Variants in ANK1 observed in about 807,000 individuals in gnomAD.
The protein encoded by ANK1 is ankyrin-1.
In ANK1, 51 loss-of-function variants were observed where a neutral mutation model predicts 210.4. The observed-to-expected ratio is 0.24, with a 90% CI of 0.19 to 0.31. The LOEUF (loss-of-function observed/expected upper bound fraction) is 0.31, where lower values mean the gene tolerates loss of function less well. Ranked by LOEUF, ANK1 falls within the 10% of genes least tolerant of loss-of-function variation. The pLI, the probability that ANK1 is intolerant of heterozygous loss-of-function variation, is 1.00. For missense variants in ANK1, 2,051 were observed against 2,504.4 expected (o/e 0.82, Z 3.86); for synonymous variants, 967 against 1,025.9 (o/e 0.94, Z 1.10).
intron 1 of ANK1, among the ~76,000 whole-genome samples, chr8:41,773,883 G>C (rs985383039): frequency 1.3e-5 from 2 of 152,166 alleles, no homozygotes; most frequent in Admixed American, 1.3e-4. Flanking sequence ...GCAAGCCTGC[G>C]GGGGACAGGA....
intron 33 of ANK1, 38 bp from the exon 34 acceptor site, chr8:41,688,627 T>TC (rs778471988): frequency 6.4e-7 from 1 of 1,572,740 alleles, no homozygotes; most frequent in South Asian, 1.1e-5. Context: ...TTTTGGACTC[T>TC]CCCCACCTTC....
intron 1 of ANK1, among the ~76,000 whole-genome samples, chr8:41,830,715 A>G (rs1563864022): frequency 6.6e-6 from 1 of 152,176 alleles, no homozygotes; most frequent in African/African-American, 2.4e-5. Context: ...AACAGCTCCT[A>G]CCTACCCAGT....
At chr8:41,698,014 G>A in intron 24 of ANK1, 29 bp downstream of exon 24, 1 of 1,610,844 alleles carries the variant, frequency 6.2e-7, no homozygotes, top group South Asian at 1.1e-5. Flanking sequence ...CCCTCCATGT[G>A]GGGAAACCAC....
chr8:41,788,684 C>G (rs1246910224), intron 1 of ANK1, among the ~76,000 whole-genome samples: 1 of 152,196 alleles, frequency 6.6e-6, no homozygotes, highest in East Asian at 1.9e-4. Context: ...TTCCAATCCC[C>G]TCGATTTAGG....
In ANK1 at chr8:41,696,501, C is replaced by A; in HGVS notation, c.2822G>T (p.Arg941Leu). 1.2e-6 allele frequency: 2 copies of A among 1,613,534 alleles called. No homozygotes were observed. The highest frequency in any genetic ancestry group is 1.7e-6 in the Non-Finnish European group (2 of 1,179,996). Reference protein sequence around the residue: ...HNGLRVVIPPRTCAAPTRITC... With the variant: ...HNGLRVVIPPLTCAAPTRITC... ...GATGCGGGTGGGCGCTGCGCACGTC[C>A]GTGGCGGGATCACCACTCGCAGGCC... The change falls in exon 26 of 43, where the codon CGG becomes CTG. Residue 941 changes from arginine (R) to leucine (L), a missense_variant. By Grantham distance (102) the Arg-to-Leu change is moderately radical (BLOSUM62 -2). Coordinates refer to ENST00000289734, the MANE Select transcript of ANK1 (RefSeq NM_000037.4).
At position 41,869,426 on chromosome 8, in the gene ANK1, G is replaced by A. The variant is rs149838735; in HGVS notation, c.126+26929C>T. ...GGCTGCATTTTAAAAGATGGGACCT[G>A]AAAATTAGCCTGGCGTGGTGGCTCT... On this transcript the variant is annotated intron_variant, in intron 1 of 42. Coordinates refer to the ANK1 transcript ENST00000265709. Among the ~76,000 whole-genome samples, 514 of 152,258 alleles carry A rather than the reference G, an allele frequency of 3.4e-3. 5 individuals carry two copies. Among genetic ancestry groups the A allele is most frequent in the African/African-American group, 0.012 (490 of 41,566 alleles).
chr8:41,759,312 C>T (rs1839906516), intron 1 of ANK1, among the ~76,000 whole-genome samples: 1 of 152,188 alleles, frequency 6.6e-6, no homozygotes, highest in African/African-American at 2.4e-5. Flanking sequence ...CAGAGACAAT[C>T]CTGGCCACCA....
intron 7 of ANK1, 98 bp downstream of exon 7, chr8:41,724,358 G>T: frequency 9.4e-7 from 1 of 1,063,064 alleles, no homozygotes; most frequent in Non-Finnish European, 1.4e-6. Context: ...TAACCCACAG[G>T]CACTTCTGCC....
chr8:41,824,506 C>T (rs1399287172), intron 1 of ANK1, among the ~76,000 whole-genome samples: 1 of 152,082 alleles, frequency 6.6e-6, no homozygotes, highest in African/African-American at 2.4e-5. Flanking sequence ...TTCATGTCAC[C>T]ACTCCTATGG....
chr8:41,871,669 CT>C (rs1474644882), intron 1 of ANK1, among the ~76,000 whole-genome samples: 2 of 152,184 alleles, frequency 1.3e-5, no homozygotes, highest in Non-Finnish European at 2.9e-5. Context: ...CTGCTGACAC[CT>C]TGTTCTTGGG....
chr8:41,769,977 CTT>C (rs59542968), intron 1 of ANK1, among the ~76,000 whole-genome samples: 2,860 of 86,292 alleles, frequency 0.033, 6 homozygotes, highest in East Asian at 0.086. Context: ...TTTCTTTTTT[CTT>C]TTTTTTTTTT....
Position 41,655,758 on chromosome 8 carries a change from G to A in ANK1, c.*37-5C>T. On this transcript the variant is annotated splice_region_variant and splice_polypyrimidine_tract_variant and intron_variant, in intron 42 of 42. Transcript: ENST00000289734. ...GTTGGGTGTCGAGGTGTGATCCTGG[G>A]AGACACAAAGAGAGAAGGAGTCACT... The A allele has an allele frequency of 6.2e-7, 1 of 1,613,996 alleles. No individual in the cohort carries two copies. The highest frequency in any genetic ancestry group is 8.5e-7 in the Non-Finnish European group (1 of 1,179,916).
At chr8:41,675,163 T>C (rs1396758125) in intron 37 of ANK1, among the ~76,000 whole-genome samples, 3 of 152,232 alleles carry the variant, frequency 2.0e-5, no homozygotes, top group Non-Finnish European at 4.4e-5. Context: ...CAATCTCAGT[T>C]CACTGTAACC....
intron 42 of ANK1, 96 bp from the exon 43 acceptor site, chr8:41,655,849 C>A (rs1805479140): frequency 3.6e-6 from 5 of 1,383,540 alleles, no homozygotes; most frequent in South Asian, 3.6e-5. Context: ...GCAGCTCAGG[C>A]CGAATCTGAC....
intron 1 of ANK1, 96 bp from the exon 2 acceptor site, chr8:41,758,233 C>G: frequency 9.0e-7 from 1 of 1,111,484 alleles, no homozygotes; most frequent in South Asian, 1.2e-5. Flanking sequence ...CCCCTGCATC[C>G]TCTGATGTGG....
chr8:41,793,401 A>C lies in ANK1; in HGVS notation c.27+4111T>G, dbSNP rs553925569. Reference sequence around the variant, plus strand: ...TCTCAAACAAACAAACAATAAAAAAAAATAAATACAACAGTGCAGGATCAG... The same window carrying C: ...TCTCAAACAAACAAACAATAAAAAACAATAAATACAACAGTGCAGGATCAG... On this transcript the variant is annotated intron_variant, in intron 1 of 42. Coordinates refer to ENST00000289734, the MANE Select transcript of ANK1 (RefSeq NM_000037.4). 3.3e-5 allele frequency among the ~76,000 whole-genome samples: 5 copies of C among 152,324 alleles called. No individual in the cohort carries two copies. In the East Asian group the frequency reaches 9.6e-4, roughly 29 times the overall value.
chr8:41,755,604 T>C (rs372115493), intron 2 of ANK1, among the ~76,000 whole-genome samples: 4 of 152,100 alleles, frequency 2.6e-5, no homozygotes, highest in Non-Finnish European at 2.9e-5. Context: ...ACCCTGCCTA[T>C]GGGGGGCTGG....
In ANK1 at chr8:41,694,717, G is replaced by A. The variant is rs1820329178; in HGVS notation, c.3202C>T (p.Arg1068Trp). Residue 1068 changes from arginine to tryptophan, a missense_variant, in exon 28 of 43, where the codon CGG becomes TGG. Physicochemically the swap from Arg to Trp is moderately radical, Grantham distance 101. This residue lies in a region of ANK1 where 1,413 missense variants were observed against 1,707.4 expected (regional missense o/e 0.83). Transcript: ENST00000289734. The surrounding 1 kb of genome is among the most constrained non-coding windows in gnomAD (Gnocchi z 5.7). ...ATGGTGTCGTAGTCCTGGCAGAGCC[G>A]TGACATGATCACGAAGTACAGCGGG... ...DFPLYFVIMS[R>W]LCQDYDTIGP... 4 of 1,614,158 alleles carry A rather than the reference G, an allele frequency of 2.5e-6. No individual in the cohort carries two copies. Among genetic ancestry groups the A allele is most frequent in the Non-Finnish European group, 3.4e-6 (4 of 1,180,022 alleles).
At chr8:41,889,802 T>C (rs1198072043) in intron 1 of ANK1, among the ~76,000 whole-genome samples, 1 of 152,224 alleles carries the variant, frequency 6.6e-6, no homozygotes, top group Non-Finnish European at 1.5e-5. Flanking sequence ...TGTTCCCCTC[T>C]GATATACAGC....
Sources: gnomAD v4.1 joint callset for allele counts (sites outside exome capture counted in the v4.1 genomes callset) on GRCh38, gnomAD v4.1.1 for gene constraint, gnomAD v4.1.1 regional missense constraint, Gnocchi (gnomAD v3.1) non-coding constraint, MANE v1.5 for transcripts, NCBI Gene and HGNC (gene_info 2026-07-23, HGNC 2026-07-21) for gene names.